Variants in CLCN6 observed in about 807,000 individuals in gnomAD.
CLCN6 encodes H(+)/Cl(-) exchange transporter 6.
Under a neutral mutation model 109.8 loss-of-function variants are expected in CLCN6, and 70 were observed. That is an observed-to-expected ratio of 0.64 (90% confidence interval 0.53 to 0.78). CLCN6 has a LOEUF of 0.78. Ranked by LOEUF, CLCN6 falls within the 30% of genes least tolerant of loss-of-function variation. The probability of loss-of-function intolerance (pLI) is 0.00; values close to 1 mark genes in which losing one functional copy is unlikely to be tolerated. For synonymous variants in CLCN6, 444 were observed against 447.8 expected (o/e 0.99, Z 0.11); for missense variants, 984 against 1,142.3 (o/e 0.86, Z 2.00).
rs198412 is a variant in CLCN6, at chr1:11,840,380, T to C, written c.*157T>C. 0.093 allele frequency: 64,154 copies of C among 688,362 alleles called. 4,245 individuals carry two copies. Among genetic ancestry groups the C allele is most frequent in the African/African-American group, 0.26 (14,813 of 57,020 alleles). The allele number at this position is 688,362 out of a possible 1,614,324, so 42.6% of individuals were successfully genotyped here. A position where few individuals can be genotyped will look rare whatever the true frequency, so the allele number is the denominator to read the frequency against. Reference sequence around the variant, plus strand: ...CATCGGACACCTTGCTGGTCAGAGGTCCTGGGGGTGGTTTTGAACCATCAG... The same window carrying C: ...CATCGGACACCTTGCTGGTCAGAGGCCCTGGGGGTGGTTTTGAACCATCAG... On this transcript the variant is annotated 3_prime_UTR_variant, in exon 23 of 23. Transcript: ENST00000346436.
At chr1:11,829,171 G>A (rs1413956554) in intron 12 of CLCN6, 25 bp from the exon 13 acceptor site, 6 of 1,608,546 alleles carry the variant, frequency 3.7e-6, no homozygotes, top group Non-Finnish European at 4.2e-6. Flanking sequence ...CTGTGGCGTT[G>A]TAACAGCTGT....
intron 20 of CLCN6, 50 bp from the exon 21 acceptor site, chr1:11,838,285 T>C (rs746866914): frequency 1.3e-6 from 2 of 1,543,260 alleles, no homozygotes; most frequent in Non-Finnish European, 1.8e-6. Context: ...AAGGTGACCC[T>C]GCTGGCCACT....
intron 1 of CLCN6, 189 bp from the exon 2 acceptor site, chr1:11,806,942 C>A: frequency 1.7e-6 from 1 of 592,204 alleles, no homozygotes; most frequent in Non-Finnish European, 3.0e-6. Context: ...AAATGAAGAG[C>A]TCAGCTGATG....
In CLCN6 at chr1:11,806,271, G is replaced by A. The variant is rs1216104336; in HGVS notation, c.9G>A (p.Gly3=). Residue 3 remains glycine (G), a synonymous_variant, in exon 1 of 23, where the codon GGG becomes GGA. Transcript: ENST00000346436. ...GGCAGTAAAGGAGGAAGATGGCGGG[G>A]TGCAGGGGGTCTCTGTGCTGCTGCT... MA[G]CRGSLCCCCR... is the part of the protein sequence containing the mutation. 1 of 1,485,140 alleles carries A rather than the reference G, an allele frequency of 6.7e-7. No individual in the cohort carries two copies. Among genetic ancestry groups the A allele is most frequent in the Non-Finnish European group, 8.9e-7 (1 of 1,124,992 alleles). The allele number at this position is 1,485,140 out of a possible 1,614,324, so 92.0% of individuals were successfully genotyped here. A position where few individuals can be genotyped will look rare whatever the true frequency, so the allele number is the denominator to read the frequency against.
At chr1:11,835,178 C>G (rs895967451) in intron 17 of CLCN6, among the ~76,000 whole-genome samples, 3 of 152,230 alleles carry the variant, frequency 2.0e-5, no homozygotes, top group African/African-American at 7.2e-5. Flanking sequence ...GTCATTGCAG[C>G]AGGAAAGCAG....
chr1:11,812,113 C>G (rs1339379894), intron 2 of CLCN6, among the ~76,000 whole-genome samples: 1 of 144,174 alleles, frequency 6.9e-6, no homozygotes. Flanking sequence ...GACCCCATCT[C>G]AAAAAAAAAA....
rs1204139184 is a variant in CLCN6, at chr1:11,816,637, T to C, written c.236T>C (p.Val79Ala). 5 of 1,613,110 alleles carry C rather than the reference T, an allele frequency of 3.1e-6. No homozygotes were observed. The South Asian group carries it at 3.3e-5, about 11-fold the overall frequency. ...DNKKGRRYEA[V>A]KWMVVFAIGV... ...CAGAAAGGTCGAAGATATGAGGCGGTGAAGTGGATGGTGGTGTTTGCCATT... is the reference window on the plus strand; with the variant it reads ...CAGAAAGGTCGAAGATATGAGGCGGCGAAGTGGATGGTGGTGTTTGCCATT... The change falls in exon 4 of 23, where the codon GTG becomes GCG. Residue 79 changes from valine to alanine, a missense_variant. Physicochemically the swap from Val to Ala is moderately conservative, Grantham distance 64 (BLOSUM62 0). Coordinates refer to ENST00000346436, the MANE Select transcript of CLCN6 (RefSeq NM_001286.5).
At chr1:11,822,644 C>A in intron 5 of CLCN6, 51 bp from the exon 6 acceptor site, 2 of 1,100,274 alleles carry the variant, frequency 1.8e-6, no homozygotes, top group Non-Finnish European at 2.8e-6. Flanking sequence ...CAAGTGATGA[C>A]GGGGACACCC....
intron 7 of CLCN6, 104 bp downstream of exon 7, chr1:11,823,937 A>T: frequency 6.8e-7 from 1 of 1,464,138 alleles, no homozygotes; most frequent in African/African-American, 1.4e-5. Flanking sequence ...GCCCAGCCTC[A>T]AACAGCTGAT....
At chr1:11,809,995 T>C (rs1275016336) in intron 2 of CLCN6, among the ~76,000 whole-genome samples, 2 of 152,180 alleles carry the variant, frequency 1.3e-5, no homozygotes, top group Non-Finnish European at 2.9e-5. Flanking sequence ...TGGAATCTCA[T>C]TTTTGTTATT....
chr1:11,826,247 G>A, intron 9 of CLCN6, 33 bp downstream of exon 9: 1 of 1,564,338 alleles, frequency 6.4e-7, no homozygotes, highest in Non-Finnish European at 8.8e-7. Context: ...TTTCTTTTTT[G>A]GAAACAACAT....
chr1:11,816,722 G>A (rs747527540), intron 4 of CLCN6, 42 bp downstream of exon 4: 48 of 1,527,524 alleles, frequency 3.1e-5, no homozygotes, highest in African/African-American at 1.5e-4. Flanking sequence ...CCATAGGGCT[G>A]GAGGGGCTTA....
chr1:11,818,343 G>C (rs1644700303), intron 4 of CLCN6, among the ~76,000 whole-genome samples: 2 of 151,588 alleles, frequency 1.3e-5, no homozygotes, highest in Non-Finnish European at 2.9e-5. Context: ...CGATTCTCAG[G>C]AAATACTCAT....
intron 13 of CLCN6, among the ~76,000 whole-genome samples, chr1:11,829,598 A>G (rs1421118343): frequency 5.9e-5 from 8 of 136,564 alleles, no homozygotes; most frequent in South Asian, 2.5e-4. Flanking sequence ...ACCTGGGAAC[A>G]ACCCTGGCGT....
rs768149744 is a variant in CLCN6 at position 11,834,311 on chromosome 1, C to A, written c.1602C>A (p.Val534=). 1.2e-6 allele frequency: 2 copies of A among 1,614,068 alleles called. No homozygotes were observed. Among genetic ancestry groups the A allele is most frequent in the South Asian group, 2.2e-5 (2 of 91,068 alleles). ...CAGCGGCTTTCTTGGGCGGGGTGGT[C>A]CGCATGACCATCAGCCTCACGGTCA... is the stretch of plus-strand genomic sequence containing the variant. ...IGAAAFLGGV[V]RMTISLTVIL... Residue 534 remains valine, a synonymous_variant, in exon 16 of 23, where the codon GTC becomes GTA. Transcript: ENST00000346436. This position sits in a 1 kb window ranked among gnomAD's most constrained non-coding sequence, Gnocchi z 4.5.
rs994900233 is a variant in CLCN6, at chr1:11,834,110, G to T, written c.1526+80G>T. On this transcript the variant is annotated intron_variant, in intron 15 of 22. Transcript: ENST00000346436. The surrounding 1 kb of genome is among the most constrained non-coding windows in gnomAD (Gnocchi z 4.5). ...TGTGTATGCATGTGTGTGCGTGTGC[G>T]TGCGTTGATGTGTCTGTGCCCATGC... 3 of 1,591,766 alleles carry T rather than the reference G, an allele frequency of 1.9e-6. No individual in the cohort carries two copies. The highest frequency in any genetic ancestry group is 2.6e-6 in the Non-Finnish European group (3 of 1,169,228).
intron 2 of CLCN6, among the ~76,000 whole-genome samples, chr1:11,813,399 T>C (rs1176820329): frequency 2.0e-5 from 3 of 152,034 alleles, no homozygotes; most frequent in Non-Finnish European, 4.4e-5. Context: ...AAGATTTTTT[T>C]TTTTTTTTTG....
intron 6 of CLCN6, 42 bp downstream of exon 6, chr1:11,822,843 G>C: frequency 1.6e-6 from 2 of 1,264,354 alleles, no homozygotes; most frequent in Non-Finnish European, 2.3e-6. Context: ...GGAGGTTTTA[G>C]AGTCCCGCAC....
chr1:11,838,892 G>A (rs763499860), intron 22 of CLCN6: 4 of 724,628 alleles, frequency 5.5e-6, no homozygotes, highest in African/African-American at 5.2e-5. Context: ...CCAGAGCCGC[G>A]CCTCTACCAG....
Sources: gnomAD v4.1 joint callset for allele counts (sites outside exome capture counted in the v4.1 genomes callset) on GRCh38, gnomAD v4.1.1 for gene constraint, Gnocchi (gnomAD v3.1) non-coding constraint, MANE v1.5 for transcripts, NCBI Gene and HGNC (gene_info 2026-07-23, HGNC 2026-07-21) for gene names.